Variants in RSRC1 observed in about 807,000 individuals in gnomAD.
RSRC1 encodes arginine and serine rich coiled-coil 1, also known as serine/Arginine-related protein 53.
Under a neutral mutation model 49.1 loss-of-function variants are expected in RSRC1, and 39 were observed. The ratio of observed to expected loss-of-function variants is 0.79; its 90% CI spans 0.61 to 1.04. The LOEUF (loss-of-function observed/expected upper bound fraction) is 1.04. RSRC1 is among the 50% of genes least tolerant of loss of function. RSRC1 has a pLI of 0.00. For missense variants in RSRC1, 388 were observed against 402.4 expected, an observed-to-expected ratio of 0.96 and a Z score of 0.31; for synonymous variants, 143 against 130.8, an observed-to-expected ratio of 1.09 and a Z score of -0.63.
intron 6 of RSRC1, among the ~76,000 whole-genome samples, chr3:158,459,660 G>T (rs754764710): frequency 1.3e-5 from 2 of 151,990 alleles, no homozygotes; most frequent in Non-Finnish European, 2.9e-5. Flanking sequence ...AAAGTCTTTA[G>T]AGTTACTGGT....
At chr3:158,493,636 C>G (rs1020482306) in intron 7 of RSRC1, among the ~76,000 whole-genome samples, 1 of 152,096 alleles carries the variant, frequency 6.6e-6, no homozygotes, top group African/African-American at 2.4e-5. Flanking sequence ...GGTCAGAGAG[C>G]TTCATTCCAC....
At chr3:158,509,242 G>A (rs1740026550) in intron 7 of RSRC1, among the ~76,000 whole-genome samples, 1 of 152,076 alleles carries the variant, frequency 6.6e-6, no homozygotes, top group Admixed American at 6.5e-5. Context: ...AGACCCACTT[G>A]TTGACCTCAT....
chr3:158,533,621 A>G (rs1712541797), intron 7 of RSRC1, among the ~76,000 whole-genome samples: 1 of 151,708 alleles, frequency 6.6e-6, no homozygotes, highest in Admixed American at 6.6e-5. Flanking sequence ...AATAGAGAAT[A>G]TGTTTAGAGA....
chr3:158,404,661 C>T (rs757849476), intron 6 of RSRC1, among the ~76,000 whole-genome samples: 1 of 151,798 alleles, frequency 6.6e-6, no homozygotes, highest in African/African-American at 2.4e-5. Context: ...GAAGTAGAAA[C>T]TCATTTCTTT....
At chr3:158,261,826 C>T (rs562355101) in intron 4 of RSRC1, among the ~76,000 whole-genome samples, 99 of 152,346 alleles carry the variant, frequency 6.5e-4, no homozygotes, top group African/African-American at 2.2e-3. Flanking sequence ...GGAAAACAAA[C>T]TCAGGGCTCC....
intron 6 of RSRC1, among the ~76,000 whole-genome samples, chr3:158,460,131 T>A (rs1352156160): frequency 6.6e-6 from 1 of 151,980 alleles, no homozygotes; most frequent in African/African-American, 2.4e-5. Context: ...AAGGCAATAC[T>A]TTTTTAACTT....
chr3:158,239,209 C>G (rs560274714), intron 4 of RSRC1, among the ~76,000 whole-genome samples: 1 of 150,872 alleles, frequency 6.6e-6, no homozygotes, highest in East Asian at 2.0e-4. Context: ...AGTCAGGAAA[C>G]AACAGGTGCT....
chr3:158,167,227 C>T (rs879551945), intron 3 of RSRC1, among the ~76,000 whole-genome samples: 3 of 152,084 alleles, frequency 2.0e-5, no homozygotes, highest in Non-Finnish European at 4.4e-5. Flanking sequence ...CACTCTGTCA[C>T]CCAAGGTGCA....
chr3:158,326,037 T>G (rs1053416700), intron 5 of RSRC1, among the ~76,000 whole-genome samples: 7 of 152,204 alleles, frequency 4.6e-5, no homozygotes, highest in South Asian at 2.1e-4. Context: ...GTTTGTCTGT[T>G]ATTGGTGTAT....
intron 5 of RSRC1, among the ~76,000 whole-genome samples, chr3:158,316,687 G>T (rs867368987): frequency 2.4e-4 from 36 of 151,922 alleles, no homozygotes; most frequent in African/African-American, 8.4e-4. Flanking sequence ...CTTGTGATCC[G>T]CCCGCCTCGG....
intron 6 of RSRC1, among the ~76,000 whole-genome samples, chr3:158,458,745 A>G (rs1032634129): frequency 6.6e-6 from 1 of 152,196 alleles, no homozygotes; most frequent in African/African-American, 2.4e-5. Context: ...TTTGGTGTCA[A>G]ATTTCATGGC....
chr3:158,152,252 T>C (rs1717586927), intron 3 of RSRC1, among the ~76,000 whole-genome samples: 1 of 152,142 alleles, frequency 6.6e-6, no homozygotes, highest in Non-Finnish European at 1.5e-5. Flanking sequence ...AGTGAGCTCC[T>C]TGAGGACAGT....
chr3:158,280,907 A>G (rs1420726855), intron 4 of RSRC1, among the ~76,000 whole-genome samples: 2 of 152,078 alleles, frequency 1.3e-5, no homozygotes, highest in African/African-American at 2.4e-5. Context: ...TTAGCCTCCC[A>G]AAGTGCTGGG....
chr3:158,326,887 A>C (rs1453029433), intron 5 of RSRC1, among the ~76,000 whole-genome samples: 1 of 152,170 alleles, frequency 6.6e-6, no homozygotes, highest in African/African-American at 2.4e-5. Flanking sequence ...TAGGCTATTA[A>C]TTATTGCCTC....
At chr3:158,221,128 C>G (rs553013318) in intron 4 of RSRC1, among the ~76,000 whole-genome samples, 2 of 151,468 alleles carry the variant, frequency 1.3e-5, no homozygotes, top group Non-Finnish European at 3.0e-5. Flanking sequence ...ATTTATAATT[C>G]TTTAATCTTT....
chr3:158,239,791 G>T (rs1434103858), intron 4 of RSRC1, among the ~76,000 whole-genome samples: 1 of 151,822 alleles, frequency 6.6e-6, no homozygotes, highest in Non-Finnish European at 1.5e-5. Flanking sequence ...TTAATTCTTT[G>T]GTCAGATATG....
At chr3:158,227,270 T>C (rs1722580907) in intron 4 of RSRC1, among the ~76,000 whole-genome samples, 2 of 151,952 alleles carry the variant, frequency 1.3e-5, no homozygotes, top group Admixed American at 6.6e-5. Context: ...ACTCAGTTAC[T>C]AAATATGGAC....
chr3:158,384,062 T>G (rs1578412049), intron 6 of RSRC1, among the ~76,000 whole-genome samples: 1 of 152,194 alleles, frequency 6.6e-6, no homozygotes, highest in African/African-American at 2.4e-5. Context: ...AGCCTACTCT[T>G]TGTAGACTTC....
At chr3:158,140,573 T>C (rs1047437344) in intron 3 of RSRC1, among the ~76,000 whole-genome samples, 1 of 152,234 alleles carries the variant, frequency 6.6e-6, no homozygotes, top group African/African-American at 2.4e-5. Context: ...GTTTGCCTTA[T>C]TTGGAATTCA....
Sources: allele counts gnomAD v4.1 joint callset (sites outside exome capture counted in the v4.1 genomes callset), GRCh38; gene constraint gnomAD v4.1.1; transcripts MANE v1.5; gene names NCBI Gene and HGNC (gene_info 2026-07-23, HGNC 2026-07-21).